Variants in KCND2 observed in about 807,000 individuals in gnomAD.
KCND2 encodes A-type voltage-gated potassium channel KCND2.
A neutral mutation model predicts 54.4 loss-of-function variants in KCND2; 16 were observed. That is an observed-to-expected ratio of 0.29 (90% CI 0.20 to 0.45). KCND2 has a LOEUF of 0.45. Ranked by LOEUF, KCND2 falls within the 20% of genes least tolerant of loss-of-function variation. KCND2 has a pLI of 1.00. For synonymous variants in KCND2, 317 were observed against 310.7 expected (o/e 1.02, Z -0.21); for missense variants, 486 against 824.2 (o/e 0.59, Z 5.02).
At position 120,724,566 on chromosome 7, in the gene KCND2, C is replaced by T. The variant is rs145933648; in HGVS notation, c.1116-8337C>T. On this transcript the variant is annotated intron_variant, in intron 1 of 5. Coordinates refer to ENST00000331113, the MANE Select transcript of KCND2 (RefSeq NM_012281.3). ...ACAGTGGAGGATGAGGTGGCCAAGT[C>T]ATGAAGAGCTGTGGTTATCATGCTA... 3.3e-5 allele frequency among the ~76,000 whole-genome samples: 5 copies of T among 152,256 alleles called. No homozygotes were observed. In the East Asian group the frequency reaches 7.7e-4, roughly 24 times the overall value.
At chr7:120,500,347 C>T (rs1214793776) in intron 1 of KCND2, among the ~76,000 whole-genome samples, 1 of 152,080 alleles carries the variant, frequency 6.6e-6, no homozygotes, top group Admixed American at 6.6e-5. Context: ...TGTTCATGTC[C>T]CTTAGGTACT....
intron 1 of KCND2, among the ~76,000 whole-genome samples, chr7:120,649,759 G>A (rs928992364): frequency 1.3e-5 from 2 of 152,152 alleles, no homozygotes; most frequent in African/African-American, 4.8e-5. Context: ...GGTACCAGTT[G>A]TTCCTTTCCA....
rs1793050213 is a variant in KCND2 at position 120,749,840 on chromosome 7, A to AAACTT, written c.*1984_*1988dup. On this transcript the variant is annotated 3_prime_UTR_variant, in exon 6 of 6. Coordinates refer to ENST00000331113, the MANE Select transcript of KCND2 (RefSeq NM_012281.3). Reference sequence around the variant, plus strand: ...TATGCTTCTAGAGCAATGTCTAGTGAAACTTATCTGATGGCATTTATTGAA... The same window carrying AAACTT: ...TATGCTTCTAGAGCAATGTCTAGTGAAACTTAACTTATCTGATGGCATTTATTGAA... 1 of 151,990 alleles carries AAACTT rather than the reference A, an allele frequency of 6.6e-6. No individual in the cohort carries two copies. Among genetic ancestry groups the AAACTT allele is most frequent in the African/African-American group, 2.4e-5 (1 of 41,442 alleles). 9.4% of individuals were successfully genotyped at this position (151,990 alleles called of 1,614,324 possible).
At chr7:120,691,664 T>C (rs78080915) in intron 1 of KCND2, among the ~76,000 whole-genome samples, 9,194 of 152,128 alleles carry the variant, frequency 0.06, 772 homozygotes, top group East Asian at 0.42. Flanking sequence ...GCTATGTGAG[T>C]CTAGAACCCG....
In KCND2 at chr7:120,650,206, A is replaced by G. The variant is rs555388734; in HGVS notation, c.1116-82697A>G. Among the ~76,000 whole-genome samples the G allele has an allele frequency of 1.1e-4, 16 of 143,928 alleles. 2 individuals are homozygous for G. In the South Asian group the frequency reaches 3.0e-3, roughly 27 times the overall value. 94.4% of individuals were successfully genotyped at this position (143,928 alleles called of 152,430 possible). A position where few individuals can be genotyped will look rare whatever the true frequency, so the allele number is the denominator to read the frequency against. On this transcript the variant is annotated intron_variant, in intron 1 of 5. Transcript: ENST00000331113. Reference sequence around the variant, plus strand: ...AGTTCTCCTGGATAATATCCTGCAAAGTGTTTTCCAACTTGGTTCCATTCT... The same window carrying G: ...AGTTCTCCTGGATAATATCCTGCAAGGTGTTTTCCAACTTGGTTCCATTCT...
At chr7:120,721,440 T>C (rs555661803) in intron 1 of KCND2, among the ~76,000 whole-genome samples, 4 of 152,214 alleles carry the variant, frequency 2.6e-5, no homozygotes, top group African/African-American at 9.6e-5. Flanking sequence ...GAGATAACTT[T>C]GTCTCACTTT....
rs535856762 is a variant in KCND2 at position 120,445,727 on chromosome 7, C to T, written c.1115+169980C>T. Among the ~76,000 whole-genome samples, 6 of 152,160 alleles carry T rather than the reference C, an allele frequency of 3.9e-5. 1 individual carries two copies. In the South Asian group the frequency reaches 1.2e-3, roughly 32 times the overall value. ...TTATCACACTAGTTTCACTGCTATGCTCTTTCAAAATATATCTGGCATGAT... is the reference window on the plus strand; with the variant it reads ...TTATCACACTAGTTTCACTGCTATGTTCTTTCAAAATATATCTGGCATGAT... On this transcript the variant is annotated intron_variant, in intron 1 of 5. Coordinates refer to ENST00000331113, the MANE Select transcript of KCND2 (RefSeq NM_012281.3).
chr7:120,457,010 G>A (rs1802209671), intron 1 of KCND2, among the ~76,000 whole-genome samples: 1 of 152,222 alleles, frequency 6.6e-6, no homozygotes, highest in African/African-American at 2.4e-5. Flanking sequence ...AACACCATGT[G>A]GAAACTTCCA....
chr7:120,380,094 TAAAG>T (rs1440163774), intron 1 of KCND2, among the ~76,000 whole-genome samples: 3 of 152,004 alleles, frequency 2.0e-5, no homozygotes, highest in Admixed American at 6.6e-5. Flanking sequence ...TATAAGGAAA[TAAAG>T]TTATAGCAAG....
intron 1 of KCND2, among the ~76,000 whole-genome samples, chr7:120,377,703 A>G (rs896374028): frequency 3.3e-5 from 5 of 151,928 alleles, no homozygotes; most frequent in African/African-American, 1.2e-4. Context: ...GTATTATTTT[A>G]TATTATCATT....
At chr7:120,731,088 C>T (rs1023895097) in intron 1 of KCND2, among the ~76,000 whole-genome samples, 5 of 152,078 alleles carry the variant, frequency 3.3e-5, no homozygotes, top group African/African-American at 1.2e-4. Flanking sequence ...CCTTGTCCCC[C>T]GCCCCAGGAG....
At chr7:120,309,468 TATATATACACAC>T (rs1163062154) in intron 1 of KCND2, among the ~76,000 whole-genome samples, 58 of 123,288 alleles carry the variant, frequency 4.7e-4, no homozygotes, top group Admixed American at 1.4e-3. Flanking sequence ...TATATATATA[TATATATACACAC>T]ACACACACAC....
intron 1 of KCND2, among the ~76,000 whole-genome samples, chr7:120,332,228 A>G (rs1198072284): frequency 1.3e-5 from 2 of 152,120 alleles, no homozygotes; most frequent in Non-Finnish European, 2.9e-5. Flanking sequence ...AATAATGATA[A>G]CAATTATTAC....
intron 1 of KCND2, among the ~76,000 whole-genome samples, chr7:120,542,458 A>G (rs565164914): frequency 2.0e-4 from 31 of 152,280 alleles, no homozygotes; most frequent in African/African-American, 7.0e-4. Flanking sequence ...TATTGATCCT[A>G]CATAATTGCA....
At chr7:120,345,479 C>T (rs904630383) in intron 1 of KCND2, among the ~76,000 whole-genome samples, 3 of 152,168 alleles carry the variant, frequency 2.0e-5, no homozygotes, top group East Asian at 1.9e-4. Context: ...GATGTGCAAC[C>T]GACCTCTAGA....
At chr7:120,386,834 G>A (rs1026214692) in intron 1 of KCND2, among the ~76,000 whole-genome samples, 4 of 151,988 alleles carry the variant, frequency 2.6e-5, no homozygotes, top group Non-Finnish European at 5.9e-5. Flanking sequence ...AAAATATCAA[G>A]GAATTATATT....
chr7:120,673,915 T>A (rs1186020025), intron 1 of KCND2, among the ~76,000 whole-genome samples: 1 of 151,604 alleles, frequency 6.6e-6, no homozygotes, highest in Non-Finnish European at 1.5e-5. Flanking sequence ...ATTTATTTTT[T>A]TTTTTTTCTA....
chr7:120,301,966 A>G (rs1300145674), intron 1 of KCND2, among the ~76,000 whole-genome samples: 2 of 152,188 alleles, frequency 1.3e-5, no homozygotes, highest in African/African-American at 4.8e-5. Context: ...TCCCTGCATT[A>G]TATGTTTCAT....
intron 1 of KCND2, among the ~76,000 whole-genome samples, chr7:120,425,917 A>C (rs150395739): frequency 6.7e-6 from 1 of 148,220 alleles, no homozygotes; most frequent in Admixed American, 6.7e-5. Context: ...TCTTTCTCCT[A>C]TGTTATTTTC....
Sources: allele counts gnomAD v4.1 joint callset (sites outside exome capture counted in the v4.1 genomes callset), GRCh38; gene constraint gnomAD v4.1.1; transcripts MANE v1.5; gene names NCBI Gene and HGNC (gene_info 2026-07-23, HGNC 2026-07-21).